Variants in CNTNAP2 observed in about 807,000 individuals in gnomAD.
CNTNAP2 encodes the protein contactin-associated protein-like 2.
In CNTNAP2, 98 loss-of-function variants were observed where a neutral mutation model predicts 155.2. That is an observed-to-expected ratio of 0.63 (90% CI 0.54 to 0.75). The LOEUF is 0.75. Ranked by LOEUF, CNTNAP2 falls within the 30% of genes least tolerant of loss-of-function variation. CNTNAP2 has a pLI of 0.00. For missense variants in CNTNAP2, 1,727 were observed against 1,688.1 expected (o/e 1.02, Z -0.40); for synonymous variants, 651 against 631.2 (o/e 1.03, Z -0.47).
At chr7:147,754,075 A>G (rs1797179333) in intron 13 of CNTNAP2, among the ~76,000 whole-genome samples, 1 of 151,746 alleles carries the variant, frequency 6.6e-6, no homozygotes, top group African/African-American at 2.4e-5. Flanking sequence ...GGTGTCATCT[A>G]AAAAAAATAA....
At position 147,111,466 on chromosome 7, in the gene CNTNAP2, G is replaced by T. The variant is rs190562867; in HGVS notation, c.754+3116G>T. Among the ~76,000 whole-genome samples the T allele has an allele frequency of 1.8e-3, 276 of 152,276 alleles. 2 individuals are homozygous for T. Among genetic ancestry groups the T allele is most frequent in the Non-Finnish European group, 1.8e-3 (120 of 68,010 alleles). On this transcript the variant is annotated intron_variant, in intron 5 of 23. Transcript: ENST00000361727. ...CTGTGCCCATGTCCTGAATGGAATTGCCTATATAGTCTTCTAAGGTTTTTA... is the reference window on the plus strand; with the variant it reads ...CTGTGCCCATGTCCTGAATGGAATTTCCTATATAGTCTTCTAAGGTTTTTA...
chr7:147,257,997 T>C (rs1804369626), intron 8 of CNTNAP2, among the ~76,000 whole-genome samples: 1 of 152,142 alleles, frequency 6.6e-6, no homozygotes. Context: ...TTCAACATCT[T>C]AGTGTTTAGA....
intron 1 of CNTNAP2, among the ~76,000 whole-genome samples, chr7:146,669,718 AC>A (rs1800266785): frequency 6.6e-6 from 1 of 152,194 alleles, no homozygotes; most frequent in Non-Finnish European, 1.5e-5. Flanking sequence ...GAAGGTCAAA[AC>A]ATCTCCCTCC....
At chr7:147,544,749 G>A (rs191623945) in intron 11 of CNTNAP2, among the ~76,000 whole-genome samples, 30 of 152,160 alleles carry the variant, frequency 2.0e-4, no homozygotes, top group African/African-American at 7.0e-4. Context: ...ATTGAATCAT[G>A]GGGGCAGTTC....
At chr7:146,320,659 T>C (rs1800984849) in intron 1 of CNTNAP2, among the ~76,000 whole-genome samples, 1 of 152,158 alleles carries the variant, frequency 6.6e-6, no homozygotes, top group African/African-American at 2.4e-5. Flanking sequence ...ATTGATTTAA[T>C]TGACCAAAAC....
rs943284428 is a variant in CNTNAP2, at chr7:147,033,192, A to G, written c.403-10715A>G. Among the ~76,000 whole-genome samples, 747 of 95,638 alleles carry G rather than the reference A, an allele frequency of 7.8e-3. 17 individuals carry two copies. Among genetic ancestry groups the G allele is most frequent in the African/African-American group, 0.026 (682 of 26,566 alleles). 62.7% of individuals were successfully genotyped at this position (95,638 alleles called of 152,430 possible). ...TATATATATATATATATATATATAT[A>G]TATATATATATGGAATATGTTGGCA... On this transcript the variant is annotated intron_variant, in intron 3 of 23. Transcript: ENST00000361727.
At chr7:146,790,585 T>G (rs564562865) in intron 2 of CNTNAP2, among the ~76,000 whole-genome samples, 17 of 151,108 alleles carry the variant, frequency 1.1e-4, no homozygotes, top group Middle Eastern at 6.8e-3. Flanking sequence ...TTTTTTTTTT[T>G]GTAAGACGGA....
chr7:147,498,927 A>C (rs149960260), intron 11 of CNTNAP2, among the ~76,000 whole-genome samples: 3 of 151,354 alleles, frequency 2.0e-5, no homozygotes, highest in African/African-American at 7.3e-5. Flanking sequence ...CTTGATTAAC[A>C]TCAGTTTCAC....
chr7:147,566,669 T>C (rs1800178175), intron 12 of CNTNAP2, among the ~76,000 whole-genome samples: 1 of 152,038 alleles, frequency 6.6e-6, no homozygotes, highest in Admixed American at 6.5e-5. Flanking sequence ...TTATGAGAAG[T>C]ACATGGAGGA....
At chr7:147,769,622 A>C (rs931355022) in intron 13 of CNTNAP2, among the ~76,000 whole-genome samples, 7 of 152,192 alleles carry the variant, frequency 4.6e-5, no homozygotes, top group Non-Finnish European at 1.0e-4. Flanking sequence ...AGCATACAGT[A>C]ATTATAACTA....
At chr7:147,535,030 C>T (rs1799514431) in intron 11 of CNTNAP2, among the ~76,000 whole-genome samples, 1 of 152,090 alleles carries the variant, frequency 6.6e-6, no homozygotes, top group Admixed American at 6.6e-5. Flanking sequence ...CCACGCCCTA[C>T]CCCAATGTGT....
intron 21 of CNTNAP2, among the ~76,000 whole-genome samples, chr7:148,320,740 G>A (rs1052124845): frequency 2.0e-5 from 3 of 152,104 alleles, no homozygotes; most frequent in African/African-American, 4.8e-5. Context: ...ACCCTGTGGT[G>A]ACAACAAAGG....
chr7:148,413,387 C>T (rs1249915191), intron 23 of CNTNAP2, among the ~76,000 whole-genome samples: 6 of 24,054 alleles, frequency 2.5e-4, no homozygotes, highest in East Asian at 9.7e-4. Flanking sequence ...AGTGAAACTC[C>T]GTCTCAAAAA....
intron 9 of CNTNAP2, 116 bp from the exon 10 acceptor site, chr7:147,395,493 G>C: frequency 9.9e-7 from 1 of 1,010,240 alleles, no homozygotes; most frequent in Non-Finnish European, 1.5e-6. Context: ...CATCAGCAAG[G>C]ATTAAAGAAA....
intron 1 of CNTNAP2, among the ~76,000 whole-genome samples, chr7:146,527,710 A>C (rs929274170): frequency 2.6e-5 from 4 of 152,184 alleles, no homozygotes; most frequent in Non-Finnish European, 5.9e-5. Context: ...TTGATCATCT[A>C]TTTATTTGGA....
At chr7:146,324,899 A>G (rs1334400130) in intron 1 of CNTNAP2, among the ~76,000 whole-genome samples, 3 of 152,170 alleles carry the variant, frequency 2.0e-5, no homozygotes, top group African/African-American at 4.8e-5. Context: ...GTCAAAAATC[A>G]TGGATCATTA....
At chr7:147,171,832 TC>T (rs1419502316) in intron 8 of CNTNAP2, among the ~76,000 whole-genome samples, 1 of 152,150 alleles carries the variant, frequency 6.6e-6, no homozygotes. Context: ...ATTTTTTTTT[TC>T]ATTTGCCATT....
At chr7:146,685,786 A>G (rs551183281) in intron 1 of CNTNAP2, among the ~76,000 whole-genome samples, 1 of 152,210 alleles carries the variant, frequency 6.6e-6, no homozygotes, top group African/African-American at 2.4e-5. Flanking sequence ...TTACTGATAT[A>G]TTTTCTATTA....
chr7:147,486,379 G>A (rs1463422694), intron 11 of CNTNAP2, among the ~76,000 whole-genome samples: 1 of 152,126 alleles, frequency 6.6e-6, no homozygotes, highest in Non-Finnish European at 1.5e-5. Context: ...TCGTGTTAGT[G>A]TGATGTCTCT....
Sources: gnomAD v4.1 joint callset for allele counts (sites outside exome capture counted in the v4.1 genomes callset) on GRCh38, gnomAD v4.1.1 for gene constraint, MANE v1.5 for transcripts, NCBI Gene and HGNC (gene_info 2026-07-23, HGNC 2026-07-21) for gene names.